NINL: variants seen among roughly 807,000 people sequenced by gnomAD.
The protein encoded by NINL is ninein-like protein.
NINL carries 153 observed loss-of-function variants against 160.3 expected under a neutral mutation model. That is an observed-to-expected ratio of 0.95 (90% CI 0.84 to 1.09). The LOEUF (loss-of-function observed/expected upper bound fraction) is 1.09. Ranked by LOEUF, NINL falls within the 50% of genes least tolerant of loss-of-function variation. The pLI, the probability that NINL is intolerant of heterozygous loss-of-function variation, is 0.00. For missense variants in NINL, 1,829 were observed against 1,764.0 expected (o/e 1.04, Z -0.66); for synonymous variants, 800 against 734.8 (o/e 1.09, Z -1.43).
chr20:25,489,964 C>T lies in NINL; in HGVS notation c.1507G>A (p.Glu503Lys), dbSNP rs754819970. 1.2e-6 allele frequency: 2 copies of T among 1,614,216 alleles called. No homozygotes were observed. The highest frequency in any genetic ancestry group is 1.1e-5 in the South Asian group (1 of 91,090). ...AGCTTTTCCACCACTTCCACAATCT[C>T]CTTCTGTAGGCGACTGTTTTCCTAG... Reference protein sequence around the residue: ...ALKENSRLQKEIVEVVEKLSD... With the variant: ...ALKENSRLQKKIVEVVEKLSD... Residue 503 changes from glutamate (E) to lysine (K), a missense_variant, in exon 12 of 24, where the codon GAG (glutamate) becomes AAG (lysine). Physicochemically the swap from Glu to Lys is moderately conservative, Grantham distance 56. Transcript: ENST00000278886.
Position 25,478,917 on chromosome 20 carries a change from C to T in NINL, c.2201+6G>A. ...GACTTGAAATCTCAAAAGAAGCTGG[C>T]TGGACCTGATCTGCTGCAGGTGGCT... On this transcript the variant is annotated splice_donor_region_variant and intron_variant, in intron 16 of 23. Transcript: ENST00000278886. 2 of 1,515,784 alleles carry T rather than the reference C, an allele frequency of 1.3e-6. No individual in the cohort carries two copies. Among genetic ancestry groups the T allele is most frequent in the South Asian group, 1.3e-5 (1 of 78,798 alleles). The allele number at this position is 1,515,784 out of a possible 1,614,324, so 93.9% of individuals were successfully genotyped here.
chr20:25,532,401 C>A (rs1277821635), intron 1 of NINL, among the ~76,000 whole-genome samples: 2 of 152,250 alleles, frequency 1.3e-5, no homozygotes, highest in South Asian at 2.1e-4. Context: ...AAACAGCGGT[C>A]CCCTCTGGCC....
intron 2 of NINL, among the ~76,000 whole-genome samples, chr20:25,524,213 G>A (rs1162937730): frequency 2.0e-5 from 3 of 152,184 alleles, no homozygotes; most frequent in Admixed American, 1.3e-4. Context: ...AACCATCTCC[G>A]AGGAGACAGG....
At chr20:25,464,971 C>G (rs1017478554) in intron 19 of NINL, among the ~76,000 whole-genome samples, 1 of 152,200 alleles carries the variant, frequency 6.6e-6, no homozygotes, top group African/African-American at 2.4e-5. Flanking sequence ...GTGGCGTTCA[C>G]GCTGGCCACC....
At chr20:25,585,284 G>A (rs959169676) in intron 1 of NINL, among the ~76,000 whole-genome samples, 171 bp downstream of exon 1, 7 of 152,182 alleles carry the variant, frequency 4.6e-5, no homozygotes, top group Admixed American at 1.3e-4. Context: ...GGAAGAGCAG[G>A]CACCACAGCA....
intron 1 of NINL, among the ~76,000 whole-genome samples, chr20:25,543,307 T>A (rs541214257): frequency 3.4e-4 from 52 of 152,238 alleles, no homozygotes; most frequent in African/African-American, 1.3e-3. Context: ...CCCAGCACTT[T>A]GGGAGGCTAA....
At chr20:25,470,138 C>T in intron 17 of NINL, 43 bp from the exon 18 acceptor site, 1 of 1,501,730 alleles carries the variant, frequency 6.7e-7, no homozygotes, top group Non-Finnish European at 9.3e-7. Context: ...CTTGGGGAGC[C>T]ACATGTGGTC....
At chr20:25,471,098 C>A (rs1002597755) in intron 17 of NINL, among the ~76,000 whole-genome samples, 1 of 152,096 alleles carries the variant, frequency 6.6e-6, no homozygotes. Context: ...TGGCTCACTG[C>A]AGCCTTGAAC....
At chr20:25,478,844 T>C (rs777704802) in intron 16 of NINL, 79 bp downstream of exon 16, 10 of 1,465,458 alleles carry the variant, frequency 6.8e-6, no homozygotes, top group Middle Eastern at 5.1e-4. Context: ...AATTCTGAGT[T>C]GTTTCCTAAG....
At chr20:25,543,945 C>G (rs924972434) in intron 1 of NINL, among the ~76,000 whole-genome samples, 2 of 136,176 alleles carry the variant, frequency 1.5e-5, no homozygotes, top group Non-Finnish European at 3.1e-5. Flanking sequence ...GCGTGAGCCA[C>G]CGCGCCTGGC....
chr20:25,526,439 T>A lies in NINL; in HGVS notation c.149A>T (p.Gln50Leu). 2 of 1,613,680 alleles carry A rather than the reference T, an allele frequency of 1.2e-6. No individual in the cohort carries two copies. Among genetic ancestry groups the A allele is most frequent in the Non-Finnish European group, 1.7e-6 (2 of 1,179,628 alleles). The change falls in exon 2 of 24, where the codon CAG becomes CTG. Residue 50 changes from glutamine (Q) to leucine (L), a missense_variant. Physicochemically the swap from Gln to Leu is moderately radical, Grantham distance 113. Coordinates refer to ENST00000278886, the MANE Select transcript of NINL (RefSeq NM_025176.6). The stretch of plus-strand genomic sequence containing the variant: ...GAAATGGTCGTTTCCGAGAAGCGTC[T>A]GCAGGAGGACGGGCAGCTGCTGCTC... ...HLEQQLPVLL[Q>L]TLLGNDHFAR...
At chr20:25,471,873 A>G (rs1309652732) in intron 17 of NINL, among the ~76,000 whole-genome samples, 1 of 152,208 alleles carries the variant, frequency 6.6e-6, no homozygotes, top group African/African-American at 2.4e-5. Context: ...ATGAGCTCAC[A>G]ATCAAAGATC....
intron 1 of NINL, among the ~76,000 whole-genome samples, chr20:25,540,367 G>A (rs2064642491): frequency 6.6e-6 from 1 of 152,224 alleles, no homozygotes. Flanking sequence ...CTGCCCCAGA[G>A]ACATATGACG....
At chr20:25,490,621 T>C (rs147029960) in intron 11 of NINL, among the ~76,000 whole-genome samples, 12 of 150,878 alleles carry the variant, frequency 8.0e-5, no homozygotes, top group African/African-American at 2.9e-4. Context: ...AAAAGTATTA[T>C]AGAAAAGGCA....
intron 1 of NINL, among the ~76,000 whole-genome samples, chr20:25,580,148 C>T (rs1311341760): frequency 2.6e-5 from 4 of 152,126 alleles, no homozygotes; most frequent in Non-Finnish European, 2.9e-5. Flanking sequence ...GCGTAGACAA[C>T]GTGGTGAAAC....
At chr20:25,497,150 C>T (rs1235322028) in intron 9 of NINL, among the ~76,000 whole-genome samples, 3 of 152,200 alleles carry the variant, frequency 2.0e-5, no homozygotes, top group African/African-American at 7.2e-5. Context: ...GGCAGCTGGG[C>T]GTGGATCGCA....
chr20:25,476,761 G>T lies in NINL; in HGVS notation c.2530C>A (p.Arg844Ser). 6.2e-7 allele frequency: 1 copy of T among 1,610,168 alleles called. No individual in the cohort carries two copies. The highest frequency in any genetic ancestry group is 1.1e-5 in the South Asian group (1 of 91,058). Residue 844 changes from arginine (R) to serine (S), a missense_variant, in exon 17 of 24, where the codon CGT becomes AGT. By Grantham distance (110) the Arg-to-Ser change is moderately radical. Coordinates refer to ENST00000278886, the MANE Select transcript of NINL (RefSeq NM_025176.6). Reference sequence around the variant, plus strand: ...CCCGGACGCAGTGGTAGGAGGCCACGTGTGCCCTCCTGGCCACTTCCTGCC... The same window carrying T: ...CCCGGACGCAGTGGTAGGAGGCCACTTGTGCCCTCCTGGCCACTTCCTGCC... ...LVAGSGQEGT[R>S]GLLPLRPGCG... is the part of the protein sequence containing the mutation.
At chr20:25,549,763 A>G (rs68149491) in intron 1 of NINL, among the ~76,000 whole-genome samples, 13,292 of 152,090 alleles carry the variant, frequency 0.087, 951 homozygotes, top group African/African-American at 0.2. Context: ...GCCCGGTTTG[A>G]GCCACTCTTT....
intron 12 of NINL, 45 bp from the exon 13 acceptor site, chr20:25,489,369 G>A: frequency 1.3e-6 from 2 of 1,557,594 alleles, no homozygotes; most frequent in Non-Finnish European, 1.8e-6. Flanking sequence ...CCTCGGGCCA[G>A]AGGGGGACCT....
Sources: allele counts gnomAD v4.1 joint callset (sites outside exome capture counted in the v4.1 genomes callset), GRCh38; gene constraint gnomAD v4.1.1; transcripts MANE v1.5; gene names NCBI Gene and HGNC (gene_info 2026-07-23, HGNC 2026-07-21).